FZR1: variants seen among roughly 807,000 people sequenced by gnomAD.
FZR1 encodes fizzy-related protein homolog.
In FZR1, 11 loss-of-function variants were observed where a neutral mutation model predicts 63.6. That is an observed-to-expected ratio of 0.17 (90% CI 0.11 to 0.29). The LOEUF (loss-of-function observed/expected upper bound fraction) is 0.29, where lower values mean the gene tolerates loss of function less well. Among genes scored for constraint, FZR1 ranks in the 10% least tolerant of loss-of-function variants. The pLI, the probability that FZR1 is intolerant of heterozygous loss-of-function variation, is 1.00. For synonymous variants in FZR1, 328 were observed against 297.9 expected (o/e 1.10, Z -1.04); for missense variants, 440 against 687.5 (o/e 0.64, Z 4.03).
rs201839829 is a variant in FZR1, at chr19:3,527,596, C to T, written c.471-35C>T. On this transcript the variant is annotated intron_variant, in intron 6 of 13. Transcript: ENST00000441788. Reference sequence around the variant, plus strand: ...CGTTTGCAAGAGGTGACCCAAGTGCCGTGGCTCACGGATGCCACGTGGCCG... The same window carrying T: ...CGTTTGCAAGAGGTGACCCAAGTGCTGTGGCTCACGGATGCCACGTGGCCG... 203 of 1,570,226 alleles carry T rather than the reference C, an allele frequency of 1.3e-4. No homozygotes were observed. In the African/African-American group the frequency reaches 2.1e-3, roughly 16 times the overall value.
At chr19:3,531,587 C>T (rs2083247882) in intron 8 of FZR1, 127 bp from the exon 9 acceptor site, 7 of 649,322 alleles carry the variant, frequency 1.1e-5, no homozygotes, top group Admixed American at 6.1e-5. Context: ...GACGTGCATT[C>T]GAGAGTCGTT....
chr19:3,534,227 TAA>T (rs3040391), intron 12 of FZR1, 192 bp from the exon 13 acceptor site: 31,983 of 279,260 alleles, frequency 0.11, 4 homozygotes, highest in East Asian at 0.24. Context: ...GTCTTAAAAT[TAA>T]AAAAAAAAAA....
chr19:3,535,034 A>G lies in FZR1; in HGVS notation c.*198A>G. On this transcript the variant is annotated 3_prime_UTR_variant, in exon 14 of 14. Transcript: ENST00000441788. The stretch of plus-strand genomic sequence containing the variant: ...ATGTCCACCAGTATCTGGGGTGGGC[A>G]CGTGGTCGGGGACCCTCAGCAGCAG... 1 of 602,524 alleles carries G rather than the reference A, an allele frequency of 1.7e-6. No individual in the cohort carries two copies. The highest frequency in any genetic ancestry group is 3.0e-6 in the Non-Finnish European group (1 of 336,894). 37.3% of individuals were successfully genotyped at this position (602,524 alleles called of 1,614,324 possible).
intron 13 of FZR1, 98 bp downstream of exon 13, chr19:3,534,611 C>T: frequency 1.1e-6 from 1 of 935,270 alleles, no homozygotes; most frequent in South Asian, 1.4e-5. Context: ...CCTCTGGGTT[C>T]CCCCACTTCC....
chr19:3,523,113 G>C, intron 2 of FZR1, 55 bp downstream of exon 2: 1 of 1,079,156 alleles, frequency 9.3e-7, no homozygotes, highest in Non-Finnish European at 1.4e-6. Flanking sequence ...AGCTGCCTCT[G>C]CCCTGGCCAG....
At chr19:3,528,031 G>T (rs562388507) in intron 7 of FZR1, among the ~76,000 whole-genome samples, 1 of 141,232 alleles carries the variant, frequency 7.1e-6, no homozygotes, top group Non-Finnish European at 1.5e-5. Context: ...TCCCAGCCAC[G>T]GCCCTCCCAA....
chr19:3,524,090 C>CAG (rs950933425), intron 2 of FZR1, among the ~76,000 whole-genome samples: 38 of 152,216 alleles, frequency 2.5e-4, no homozygotes, highest in African/African-American at 8.2e-4. Context: ...TCAGGGATTT[C>CAG]AGAGAGAGAG....
In FZR1 at chr19:3,533,531, G is replaced by T. The variant is rs759185124; in HGVS notation, c.1347+133G>T. On this transcript the variant is annotated intron_variant, in intron 12 of 13. Transcript: ENST00000441788. The surrounding 1 kb of genome is among the most constrained non-coding windows in gnomAD (Gnocchi z 4.9). ...TAAAACCCCGTGGGACCCAGCAGCAGGGGCCGGCAGGGCATCTGGTGCTGG... is the reference window on the plus strand; with the variant it reads ...TAAAACCCCGTGGGACCCAGCAGCATGGGCCGGCAGGGCATCTGGTGCTGG... The T allele has an allele frequency of 1.9e-5, 12 of 624,022 alleles. No individual in the cohort carries two copies. The highest frequency in any genetic ancestry group is 3.2e-5 in the Non-Finnish European group (11 of 344,740). The allele number at this position is 624,022 out of a possible 1,614,324, so 38.7% of individuals were successfully genotyped here.
rs371620947 is a variant in FZR1 at position 3,515,057 on chromosome 19, C to A, written c.-34-7899C>A. Reference sequence around the variant, plus strand: ...AAGCCCGGTGGCCCAGGGCCCGGGTCCACCACCCAGACCAGGGCAACCAAG... The same window carrying A: ...AAGCCCGGTGGCCCAGGGCCCGGGTACACCACCCAGACCAGGGCAACCAAG... On this transcript the variant is annotated intron_variant, in intron 1 of 13. Transcript: ENST00000441788. The surrounding 1 kb of genome is among the most constrained non-coding windows in gnomAD (Gnocchi z 4.6). Among the ~76,000 whole-genome samples, 24 of 152,138 alleles carry A rather than the reference C, an allele frequency of 1.6e-4. No homozygotes were observed. Among genetic ancestry groups the A allele is most frequent in the African/African-American group, 5.8e-4 (24 of 41,420 alleles).
chr19:3,533,143 G>T lies in FZR1; in HGVS notation c.1243-151G>T. On this transcript the variant is annotated intron_variant, in intron 11 of 13. Transcript: ENST00000441788. The surrounding 1 kb of genome is among the most constrained non-coding windows in gnomAD (Gnocchi z 4.9). ...CACACCTCCTAGACAGACTCAGGTG[G>T]CAGAGCCACATCCCAGCATCCCCTG... The T allele has an allele frequency of 1.6e-6, 1 of 642,154 alleles. No homozygotes were observed. The highest frequency in any genetic ancestry group is 2.8e-6 in the Non-Finnish European group (1 of 354,864). The allele number at this position is 642,154 out of a possible 1,614,324, so 39.8% of individuals were successfully genotyped here. A position where few individuals can be genotyped will look rare whatever the true frequency, so the allele number is the denominator to read the frequency against.
chr19:3,516,412 G>A lies in FZR1; in HGVS notation c.-34-6544G>A, dbSNP rs908239249. Among the ~76,000 whole-genome samples the A allele has an allele frequency of 3.3e-5, 5 of 152,218 alleles. No homozygotes were observed. The highest frequency in any genetic ancestry group is 1.2e-4 in the African/African-American group (5 of 41,462). On this transcript the variant is annotated intron_variant, in intron 1 of 13. Coordinates refer to ENST00000441788, the MANE Select transcript of FZR1 (RefSeq NM_016263.4). This position sits in a 1 kb window ranked among gnomAD's most constrained non-coding sequence, Gnocchi z 6.0. Reference sequence around the variant, plus strand: ...CATCTGTTTTTTAACTGTGTTGGTGGTGTGTCTGCCCTGCGGACTCCCAAT... The same window carrying A: ...CATCTGTTTTTTAACTGTGTTGGTGATGTGTCTGCCCTGCGGACTCCCAAT...
chr19:3,511,291 T>C (rs2083022759), intron 1 of FZR1, among the ~76,000 whole-genome samples: 1 of 152,194 alleles, frequency 6.6e-6, no homozygotes, highest in Admixed American at 6.5e-5. Flanking sequence ...TGGAGAGCAG[T>C]TCTCACGGGA....
rs948447126 is a variant in FZR1, at chr19:3,516,449, T to C, written c.-34-6507T>C. On this transcript the variant is annotated intron_variant, in intron 1 of 13. Transcript: ENST00000441788. The surrounding 1 kb of genome is among the most constrained non-coding windows in gnomAD (Gnocchi z 6.0). ...TGCGGACTCCCAATTTTCCCGGTGT[T>C]GAATTCCACAGCCATGCCTCTTATG... Among the ~76,000 whole-genome samples the C allele has an allele frequency of 6.6e-6, 1 of 152,226 alleles. No individual in the cohort carries two copies. Among genetic ancestry groups the C allele is most frequent in the African/African-American group, 2.4e-5 (1 of 41,458 alleles).
At position 3,536,262 on chromosome 19, in the gene FZR1, A is replaced by G. The variant is rs767310997; in HGVS notation, c.*1426A>G. On this transcript the variant is annotated 3_prime_UTR_variant, in exon 14 of 14. Coordinates refer to ENST00000441788, the MANE Select transcript of FZR1 (RefSeq NM_016263.4). ...GCTAGACGGGGAGGGGCCAGGACCC[A>G]CCCACTGCTCCTGGGGGATGAGGTC... is the stretch of plus-strand genomic sequence containing the variant. The G allele has an allele frequency of 6.6e-6, 1 of 152,126 alleles. No homozygotes were observed. Among genetic ancestry groups the G allele is most frequent in the Non-Finnish European group, 1.5e-5 (1 of 68,010 alleles). The allele number at this position is 152,126 out of a possible 1,614,324, so 9.4% of individuals were successfully genotyped here. A position where few individuals can be genotyped will look rare whatever the true frequency, so the allele number is the denominator to read the frequency against.
At position 3,525,432 on chromosome 19, in the gene FZR1, CT is replaced by C. The variant is rs57486013; in HGVS notation, c.70-408del. On this transcript the variant is annotated intron_variant, in intron 2 of 13. Coordinates refer to ENST00000441788, the MANE Select transcript of FZR1 (RefSeq NM_016263.4). The surrounding 1 kb of genome is among the most constrained non-coding windows in gnomAD (Gnocchi z 4.2). ...TGTGTGGCTCCCCTCCTTGGGTTTT[CT>C]TTTTTTTTTTTTTTTTTTTTTTTTT... 1.4e-3 allele frequency among the ~76,000 whole-genome samples: 96 copies of C among 68,740 alleles called. No homozygotes were observed. Among genetic ancestry groups the C allele is most frequent in the African/African-American group, 3.0e-3 (49 of 16,546 alleles). 45.1% of individuals were successfully genotyped at this position (68,740 alleles called of 152,430 possible).
In FZR1 at chr19:3,525,840, G is replaced by T; in HGVS notation, c.70-28G>T. On this transcript the variant is annotated intron_variant, in intron 2 of 13. Coordinates refer to ENST00000441788, the MANE Select transcript of FZR1 (RefSeq NM_016263.4). This position sits in a 1 kb window ranked among gnomAD's most constrained non-coding sequence, Gnocchi z 4.2. ...ACTCTCGGGGGGCTCTCGGTGCTGA[G>T]AGCAAGCCCTCTGCTGATGCCCTTC... The T allele has an allele frequency of 6.2e-7, 1 of 1,605,950 alleles. No homozygotes were observed.
chr19:3,531,096 C>G (rs1223299215), intron 8 of FZR1, among the ~76,000 whole-genome samples: 3 of 152,144 alleles, frequency 2.0e-5, no homozygotes, highest in African/African-American at 7.2e-5. Flanking sequence ...AAATAACGCC[C>G]CAGTTCCTTC....
chr19:3,521,870 T>C (rs2083105018), intron 1 of FZR1, among the ~76,000 whole-genome samples: 1 of 151,546 alleles, frequency 6.6e-6, no homozygotes. Context: ...TTTTTTTTTT[T>C]TCTTGAGACA....
chr19:3,520,466 G>C (rs969717959), intron 1 of FZR1, among the ~76,000 whole-genome samples: 1 of 152,236 alleles, frequency 6.6e-6, no homozygotes, highest in African/African-American at 2.4e-5. Flanking sequence ...TTGCTGCCCT[G>C]CACTCTGCCT....
Sources: allele counts gnomAD v4.1 joint callset (sites outside exome capture counted in the v4.1 genomes callset), GRCh38; gene constraint gnomAD v4.1.1; non-coding constraint Gnocchi (gnomAD v3.1); transcripts MANE v1.5; gene names NCBI Gene and HGNC (gene_info 2026-07-23, HGNC 2026-07-21).